Variants in CDHR3 observed in about 807,000 individuals in gnomAD.
The protein encoded by CDHR3 is cadherin related family member 3, also known as cadherin-related family member 3.
A neutral mutation model predicts 86.6 loss-of-function variants in CDHR3; 79 were observed. That is an observed-to-expected ratio of 0.91 (90% CI 0.76 to 1.10). The LOEUF (loss-of-function observed/expected upper bound fraction) is 1.10, where lower values mean the gene tolerates loss of function less well. CDHR3 is among the 50% of genes least tolerant of loss of function. The pLI, the probability that CDHR3 is intolerant of heterozygous loss-of-function variation, is 0.00. For missense variants in CDHR3, 1,081 were observed against 1,077.6 expected (o/e 1.00, Z -0.04); for synonymous variants, 421 against 402.4 (o/e 1.05, Z -0.55).
Position 105,963,363 on chromosome 7 carries a change from A to T in CDHR3, c.45A>T (p.Ser15=). ...TCCTGGCTCTCCTGGGTGCCATGTC[A>T]GGTAGGAACTCAATTTTGCTTTGGA... ...IILLALLGAM[S]GGEALHLILL... The change falls in exon 1 of 19, where the codon TCA becomes TCT. Residue 15 remains serine (S), a splice_region_variant and synonymous_variant. Coordinates refer to ENST00000317716, the MANE Select transcript of CDHR3 (RefSeq NM_152750.5). 6.2e-7 allele frequency: 1 copy of T among 1,613,976 alleles called. No homozygotes were observed. Among genetic ancestry groups the T allele is most frequent in the Non-Finnish European group, 8.5e-7 (1 of 1,179,840 alleles).
intron 7 of CDHR3, among the ~76,000 whole-genome samples, chr7:106,004,032 ACATCTAT>A (rs1833604232): frequency 6.6e-6 from 1 of 150,796 alleles, no homozygotes; most frequent in Non-Finnish European, 1.5e-5. Flanking sequence ...AAAGGCAGGC[ACATCTAT>A]CAACAGGATT....
chr7:105,990,555 C>G (rs1410139196), intron 4 of CDHR3, among the ~76,000 whole-genome samples: 4 of 152,118 alleles, frequency 2.6e-5, no homozygotes, highest in Non-Finnish European at 5.9e-5. Context: ...AGTGCTCTGG[C>G]CCTCTGGGGT....
chr7:106,002,963 G>C (rs1354370262), intron 7 of CDHR3, among the ~76,000 whole-genome samples: 1 of 151,596 alleles, frequency 6.6e-6, no homozygotes, highest in African/African-American at 2.4e-5. Context: ...GTGAAACCCT[G>C]TCTCTACTAA....
chr7:105,985,933 TG>T (rs1415160730), intron 4 of CDHR3, among the ~76,000 whole-genome samples: 1 of 152,240 alleles, frequency 6.6e-6, no homozygotes, highest in Non-Finnish European at 1.5e-5. Flanking sequence ...CTGGTGCATC[TG>T]CTACCATCAG....
chr7:106,031,987 A>G (rs1277601010), intron 18 of CDHR3, among the ~76,000 whole-genome samples: 1 of 152,342 alleles, frequency 6.6e-6, no homozygotes, highest in African/African-American at 2.4e-5. Flanking sequence ...ATTCCTTTTT[A>G]TAGCAGGAAT....
At chr7:106,026,759 A>G in intron 16 of CDHR3, 64 bp downstream of exon 16, 1 of 1,553,964 alleles carries the variant, frequency 6.4e-7, no homozygotes, top group African/African-American at 1.4e-5. Flanking sequence ...CTACGTAAAA[A>G]GGTTCCTACT....
At position 106,034,054 on chromosome 7, in the gene CDHR3, C is replaced by G. The variant is rs1382439322; in HGVS notation, c.*1357C>G. ...AGCTGAAACACCATCAGCCTTACAA[C>G]CTACCTGCCTTGCTCCTTCCCACTT... On this transcript the variant is annotated 3_prime_UTR_variant, in exon 19 of 19. Coordinates refer to ENST00000317716, the MANE Select transcript of CDHR3 (RefSeq NM_152750.5). Among the ~76,000 whole-genome samples, 1 of 152,230 alleles carries G rather than the reference C, an allele frequency of 6.6e-6. No individual in the cohort carries two copies. The highest frequency in any genetic ancestry group is 1.5e-5 in the Non-Finnish European group (1 of 68,046).
intron 11 of CDHR3, among the ~76,000 whole-genome samples, chr7:106,017,354 C>T (rs928193148): frequency 1.7e-4 from 26 of 152,008 alleles, no homozygotes; most frequent in Admixed American, 1.2e-3. Flanking sequence ...GTCAGGAGAT[C>T]GAAACCAGCC....
chr7:106,028,939 T>TCTTTCTTC (rs775469889), intron 17 of CDHR3, among the ~76,000 whole-genome samples: 42 of 126,864 alleles, frequency 3.3e-4, no homozygotes, highest in African/African-American at 1.4e-3. Context: ...TTTCTTTCTT[T>TCTTTCTTC]CTTTCTTTCT....
chr7:106,015,870 TA>T, intron 10 of CDHR3, 56 bp from the exon 11 acceptor site: 1 of 1,242,642 alleles, frequency 8.0e-7, no homozygotes, highest in Non-Finnish European at 1.2e-6. Flanking sequence ...AGATGTTGAA[TA>T]AACAAATGGA....
Position 106,015,155 on chromosome 7 carries a change from C to A in CDHR3, c.1269C>A (p.Ala423=), listed in dbSNP as rs369633139. The A allele has an allele frequency of 6.2e-7, 1 of 1,611,354 alleles. No homozygotes were observed. Among genetic ancestry groups the A allele is most frequent in the East Asian group, 2.2e-5 (1 of 44,842 alleles). The change falls in exon 10 of 19, where the codon GCC becomes GCA. Residue 423 remains alanine (A), a synonymous_variant. Coordinates refer to ENST00000317716, the MANE Select transcript of CDHR3 (RefSeq NM_152750.5). ...LDYENPSNLA[A]GNKYTVIIQV... is the part of the protein sequence containing the mutation. ...ACGAAAATCCAAGTAACCTAGCAGCCGGCAATAAATATACGGTGATAATCC... is the reference window on the plus strand; with the variant it reads ...ACGAAAATCCAAGTAACCTAGCAGCAGGCAATAAATATACGGTGATAATCC...
At chr7:105,978,560 T>TA (rs1829175079) in intron 2 of CDHR3, among the ~76,000 whole-genome samples, 1 of 152,132 alleles carries the variant, frequency 6.6e-6, no homozygotes, top group African/African-American at 2.4e-5. Flanking sequence ...GCTATGACCT[T>TA]AGGAGAGCTC....
Position 106,004,635 on chromosome 7 carries a change from A to G in CDHR3, c.1000A>G (p.Ile334Val). 8 of 1,614,056 alleles carry G rather than the reference A, an allele frequency of 5.0e-6. No homozygotes were observed. Among genetic ancestry groups the G allele is most frequent in the Non-Finnish European group, 6.8e-6 (8 of 1,179,902 alleles). The change falls in exon 8 of 19, where the codon ATT (isoleucine) becomes GTT (valine). Residue 334 changes from isoleucine to valine, a missense_variant. Coordinates refer to ENST00000317716, the MANE Select transcript of CDHR3 (RefSeq NM_152750.5). ...GGAGAATCGCATCCAGATAACCTTCATTGTGGAAGACGTCAACGACAATCC... is the reference window on the plus strand; with the variant it reads ...GGAGAATCGCATCCAGATAACCTTCGTTGTGGAAGACGTCAACGACAATCC... Reference protein sequence around the residue: ...GQENRIQITFIVEDVNDNPAT... With the variant: ...GQENRIQITFVVEDVNDNPAT...
intron 11 of CDHR3, among the ~76,000 whole-genome samples, chr7:106,017,439 A>G (rs1264556925): frequency 1.3e-5 from 2 of 151,996 alleles, no homozygotes; most frequent in Admixed American, 6.6e-5. Flanking sequence ...GGCACCTGTA[A>G]TCCCAGCTAC....
rs550326962 is a variant in CDHR3, at chr7:105,969,061, C to A, written c.46+5697C>A. On this transcript the variant is annotated intron_variant, in intron 1 of 18. Coordinates refer to ENST00000317716, the MANE Select transcript of CDHR3 (RefSeq NM_152750.5). ...AGAGATCGCGCCACTGCACTCCAGCCCGGGGGACAGAGCGAGACTCCGTCT... is the reference window on the plus strand; with the variant it reads ...AGAGATCGCGCCACTGCACTCCAGCACGGGGGACAGAGCGAGACTCCGTCT... Among the ~76,000 whole-genome samples, 513 of 149,614 alleles carry A rather than the reference C, an allele frequency of 3.4e-3. 2 individuals carry two copies. The highest frequency in any genetic ancestry group is 0.012 in the African/African-American group (473 of 40,654).
chr7:106,028,752 G>A (rs1233398329), intron 17 of CDHR3, among the ~76,000 whole-genome samples, 170 bp downstream of exon 17: 3 of 152,098 alleles, frequency 2.0e-5, no homozygotes, highest in African/African-American at 7.2e-5. Context: ...GATAGAATTT[G>A]TTCCCTCCAC....
At chr7:105,986,181 A>G (rs1265005278) in intron 4 of CDHR3, among the ~76,000 whole-genome samples, 1 of 152,212 alleles carries the variant, frequency 6.6e-6, no homozygotes, top group Non-Finnish European at 1.5e-5. Flanking sequence ...CCCTACCCAG[A>G]GGACTTCTGC....
intron 10 of CDHR3, 69 bp from the exon 11 acceptor site, chr7:106,015,858 A>C: frequency 5.2e-6 from 6 of 1,146,884 alleles, no homozygotes; most frequent in Non-Finnish European, 6.4e-6. Context: ...GAGATTCTTT[A>C]AAGATGTTGA....
intron 15 of CDHR3, among the ~76,000 whole-genome samples, chr7:106,025,913 G>A (rs1259155526): frequency 1.3e-5 from 2 of 152,172 alleles, no homozygotes; most frequent in Non-Finnish European, 2.9e-5. Flanking sequence ...TGCTTGTAAG[G>A]ATGGTGGTGT....
Sources: gnomAD v4.1 joint callset for allele counts (sites outside exome capture counted in the v4.1 genomes callset) on GRCh38, gnomAD v4.1.1 for gene constraint, MANE v1.5 for transcripts, NCBI Gene and HGNC (gene_info 2026-07-23, HGNC 2026-07-21) for gene names.